PDLIM1: variants seen among roughly 807,000 people sequenced by gnomAD.
PDLIM1 encodes PDZ and LIM domain protein 1.
In PDLIM1, 25 loss-of-function variants were observed where a neutral mutation model predicts 35.2. That is an observed-to-expected ratio of 0.71 (90% CI 0.52 to 0.99). The LOEUF is 0.99. PDLIM1 is among the 50% of genes least tolerant of loss of function. The pLI, the probability that PDLIM1 is intolerant of heterozygous loss-of-function variation, is 0.00. For missense variants in PDLIM1, 363 were observed against 415.3 expected (o/e 0.87, Z 1.09); for synonymous variants, 152 against 154.0 (o/e 0.99, Z 0.10).
At chr10:95,275,351 C>G (rs1421410088) in intron 1 of PDLIM1, among the ~76,000 whole-genome samples, 1 of 152,200 alleles carries the variant, frequency 6.6e-6, no homozygotes, top group Non-Finnish European at 1.5e-5. Flanking sequence ...GTGTATTAAA[C>G]TTTCTGTATT....
chr10:95,248,446 C>T (rs1395833766), intron 4 of PDLIM1, among the ~76,000 whole-genome samples: 1 of 152,120 alleles, frequency 6.6e-6, no homozygotes, highest in Non-Finnish European at 1.5e-5. Context: ...CAGAGTCTTG[C>T]TGTGTTGCCC....
intron 2 of PDLIM1, among the ~76,000 whole-genome samples, chr10:95,269,683 T>C (rs567082784): frequency 2.0e-5 from 3 of 152,148 alleles, no homozygotes; most frequent in Admixed American, 6.5e-5. Context: ...ATTAGTGTCG[T>C]TGTTTCCTCT....
At chr10:95,261,419 T>C (rs1564601677) in intron 4 of PDLIM1, among the ~76,000 whole-genome samples, 1 of 152,110 alleles carries the variant, frequency 6.6e-6, no homozygotes, top group Admixed American at 6.5e-5. Context: ...CCCCAGTGTT[T>C]CCACCACTCC....
At chr10:95,283,985 G>C (rs3862021) in intron 1 of PDLIM1, among the ~76,000 whole-genome samples, 32,981 of 87,546 alleles carry the variant, frequency 0.38, 3,961 homozygotes, top group African/African-American at 0.44. Flanking sequence ...TTTTCTCTGT[G>C]TGTGTGTGTG....
At chr10:95,240,849 C>G (rs967528141) in intron 5 of PDLIM1, among the ~76,000 whole-genome samples, 1 of 152,072 alleles carries the variant, frequency 6.6e-6, no homozygotes, top group African/African-American at 2.4e-5. Flanking sequence ...TGCCTAAGGC[C>G]CCACTCATCA....
At chr10:95,286,797 A>C (rs1262126607) in intron 1 of PDLIM1, among the ~76,000 whole-genome samples, 2 of 152,240 alleles carry the variant, frequency 1.3e-5, no homozygotes, top group East Asian at 3.8e-4. Context: ...CAAAAGGCAA[A>C]GAATGCTAGC....
intron 4 of PDLIM1, among the ~76,000 whole-genome samples, chr10:95,263,405 A>G (rs1421081036): frequency 6.6e-6 from 1 of 152,178 alleles, no homozygotes; most frequent in African/African-American, 2.4e-5. Flanking sequence ...CTGCTTCACC[A>G]AAACTATGCA....
chr10:95,271,803 G>A lies in PDLIM1; in HGVS notation c.97-19C>T, dbSNP rs758389552. The A allele has an allele frequency of 6.9e-6, 11 of 1,604,930 alleles. No homozygotes were observed. In the South Asian group the frequency reaches 1.2e-4, roughly 18 times the overall value. ...GAGTGACCTAGAAAAAAAGGGGAAA[G>A]CAGGCTAGTTACTATTTGTCTCCAA... On this transcript the variant is annotated intron_variant, in intron 1 of 6. Coordinates refer to ENST00000329399, the MANE Select transcript of PDLIM1 (RefSeq NM_020992.4).
intron 5 of PDLIM1, among the ~76,000 whole-genome samples, chr10:95,246,744 G>A (rs1564598155): frequency 6.6e-6 from 1 of 152,154 alleles, no homozygotes; most frequent in Non-Finnish European, 1.5e-5. Flanking sequence ...ACCCACCTTA[G>A]AGCAAATGCA....
At chr10:95,257,835 T>G (rs1038648916) in intron 4 of PDLIM1, among the ~76,000 whole-genome samples, 1 of 152,210 alleles carries the variant, frequency 6.6e-6, no homozygotes, top group African/African-American at 2.4e-5. Flanking sequence ...AAAGAGATAT[T>G]TGCTCACCCA....
chr10:95,277,066 T>A (rs1026395419), intron 1 of PDLIM1, among the ~76,000 whole-genome samples: 1 of 151,140 alleles, frequency 6.6e-6, no homozygotes, highest in Middle Eastern at 3.4e-3. Flanking sequence ...ACAAAAAAAA[T>A]TTGCCAGGTG....
intron 2 of PDLIM1, among the ~76,000 whole-genome samples, chr10:95,271,322 A>G (rs2035462978): frequency 6.6e-6 from 1 of 151,652 alleles, no homozygotes; most frequent in East Asian, 2.0e-4. Context: ...CTGTAATCCC[A>G]GCTACTCAGG....
Position 95,237,736 on chromosome 10 carries a change from T to C in PDLIM1, c.*189A>G, listed in dbSNP as rs2035138066. 4 of 573,178 alleles carry C rather than the reference T, an allele frequency of 7.0e-6. No individual in the cohort carries two copies. In the East Asian group the frequency reaches 1.1e-4, roughly 16 times the overall value. The allele number at this position is 573,178 out of a possible 1,614,324, so 35.5% of individuals were successfully genotyped here. A position where few individuals can be genotyped will look rare whatever the true frequency, so the allele number is the denominator to read the frequency against. On this transcript the variant is annotated 3_prime_UTR_variant, in exon 7 of 7. Coordinates refer to ENST00000329399, the MANE Select transcript of PDLIM1 (RefSeq NM_020992.4). ...GACACTGAACAAAACAGTTTTCCTT[T>C]AATTGTAAAAGCGGGCATCGCACAG...
chr10:95,254,040 C>A (rs1004690657), intron 4 of PDLIM1, among the ~76,000 whole-genome samples: 1 of 151,926 alleles, frequency 6.6e-6, no homozygotes, highest in Non-Finnish European at 1.5e-5. Context: ...AAAATGATGT[C>A]AAATAACCCA....
chr10:95,275,308 T>A (rs1274195897), intron 1 of PDLIM1, among the ~76,000 whole-genome samples: 2 of 152,202 alleles, frequency 1.3e-5, no homozygotes, highest in African/African-American at 4.8e-5. Context: ...TGAGTAATAA[T>A]AAAACTCTAG....
At chr10:95,247,453 G>A (rs1284371290) in intron 4 of PDLIM1, 87 bp from the exon 5 acceptor site, 1 of 1,031,932 alleles carries the variant, frequency 9.7e-7, no homozygotes, top group African/African-American at 1.6e-5. Flanking sequence ...AGACACTGCT[G>A]ATTTGAAGGA....
Position 95,290,749 on chromosome 10 carries a change from C to G in PDLIM1, c.96+71G>C. 3 of 1,119,472 alleles carry G rather than the reference C, an allele frequency of 2.7e-6. No homozygotes were observed. Among genetic ancestry groups the G allele is most frequent in the South Asian group, 1.7e-5 (1 of 58,664 alleles). 69.3% of individuals were successfully genotyped at this position (1,119,472 alleles called of 1,614,324 possible). A position where few individuals can be genotyped will look rare whatever the true frequency, so the allele number is the denominator to read the frequency against. On this transcript the variant is annotated intron_variant, in intron 1 of 6. Coordinates refer to ENST00000329399, the MANE Select transcript of PDLIM1 (RefSeq NM_020992.4). This position sits in a 1 kb window ranked among gnomAD's most constrained non-coding sequence, Gnocchi z 4.7. The stretch of plus-strand genomic sequence containing the variant: ...TTCCGACTCCGTCCCCGACCGCGCC[C>G]GCGGGGCCCCAGTCTCCGCATATCA...
chr10:95,255,043 AATAG>A (rs2035298227), intron 4 of PDLIM1, among the ~76,000 whole-genome samples: 1 of 152,146 alleles, frequency 6.6e-6, no homozygotes, highest in African/African-American at 2.4e-5. Flanking sequence ...ACCTAGAAGA[AATAG>A]ATAAATTCCC....
At chr10:95,258,573 AT>A (rs1233689522) in intron 4 of PDLIM1, among the ~76,000 whole-genome samples, 1 of 152,204 alleles carries the variant, frequency 6.6e-6, no homozygotes, top group Non-Finnish European at 1.5e-5. Flanking sequence ...CATTATGGTA[AT>A]TGAAAAAAGA....
Sources: gnomAD v4.1 joint callset for allele counts (sites outside exome capture counted in the v4.1 genomes callset) on GRCh38, gnomAD v4.1.1 for gene constraint, Gnocchi (gnomAD v3.1) non-coding constraint, MANE v1.5 for transcripts, NCBI Gene and HGNC (gene_info 2026-07-23, HGNC 2026-07-21) for gene names.